The following HIF3A variants were observed in gnomAD, a reference collection of about 807,000 sequenced individuals.
HIF3A encodes hypoxia-inducible factor 3-alpha.
A neutral mutation model predicts 67.2 loss-of-function variants in HIF3A; 41 were observed. That is an observed-to-expected ratio of 0.61 (90% confidence interval 0.48 to 0.79). The LOEUF is 0.79. Among genes scored for constraint, HIF3A ranks in the 30% least tolerant of loss-of-function variants. The pLI is 0.00. For missense variants in HIF3A, 855 were observed against 898.0 expected (o/e 0.95, Z 0.61); for synonymous variants, 356 against 374.8 (o/e 0.95, Z 0.58).
At chr19:46,300,478 T>G (rs1486383717) in intron 1 of HIF3A, among the ~76,000 whole-genome samples, 1 of 152,086 alleles carries the variant, frequency 6.6e-6, no homozygotes, top group African/African-American at 2.4e-5. Flanking sequence ...CTGGCCAACA[T>G]AGTGAAACCC....
intron 6 of HIF3A, among the ~76,000 whole-genome samples, chr19:46,311,512 C>G (rs569890525): frequency 6.6e-6 from 1 of 152,278 alleles, no homozygotes; most frequent in East Asian, 1.9e-4. Flanking sequence ...AATCTGTTTC[C>G]CTGCCTTTTC....
chr19:46,304,767 G>A (rs1968682270), intron 2 of HIF3A, among the ~76,000 whole-genome samples: 1 of 152,066 alleles, frequency 6.6e-6, no homozygotes. Context: ...ACTTTTCTTG[G>A]AGGCTTTACC....
chr19:46,324,656 C>T (rs1213404023), intron 10 of HIF3A, among the ~76,000 whole-genome samples: 1 of 151,688 alleles, frequency 6.6e-6, no homozygotes, highest in Non-Finnish European at 1.5e-5. Context: ...GAGTTCAAGA[C>T]CAGCCTGACT....
intron 6 of HIF3A, among the ~76,000 whole-genome samples, chr19:46,310,249 T>G (rs1969313025): frequency 6.7e-6 from 1 of 149,252 alleles, no homozygotes; most frequent in African/African-American, 2.5e-5. Flanking sequence ...AGAAAAAATT[T>G]GTCAGGCGGG....
At chr19:46,305,517 T>A in intron 3 of HIF3A, 127 bp downstream of exon 3, 2 of 943,658 alleles carry the variant, frequency 2.1e-6, no homozygotes, top group Non-Finnish European at 3.2e-6. Flanking sequence ...GGTATGTCAC[T>A]AGACAGGAAG....
intron 11 of HIF3A, among the ~76,000 whole-genome samples, chr19:46,328,836 T>C (rs1970975475): frequency 6.6e-6 from 1 of 152,064 alleles, no homozygotes; most frequent in African/African-American, 2.4e-5. Context: ...TCCTCCCACC[T>C]CAGCCTCCTG....
chr19:46,307,212 T>G (rs1260279602), intron 3 of HIF3A, among the ~76,000 whole-genome samples: 1 of 152,190 alleles, frequency 6.6e-6, no homozygotes, highest in East Asian at 1.9e-4. Context: ...ACTTGTTATA[T>G]TGTTGTTATT....
chr19:46,316,746 T>C (rs1027940384), intron 8 of HIF3A, among the ~76,000 whole-genome samples: 4 of 147,112 alleles, frequency 2.7e-5, no homozygotes, highest in Non-Finnish European at 1.5e-5. Context: ...GAGGTTGCAA[T>C]GAGTGGAGAT....
chr19:46,329,721 G>C lies in HIF3A; in HGVS notation c.1712+243G>C, dbSNP rs571659627. 2.6e-5 allele frequency among the ~76,000 whole-genome samples: 4 copies of C among 152,238 alleles called. No homozygotes were observed. The East Asian group carries it at 7.7e-4, about 29-fold the overall frequency. On this transcript the variant is annotated intron_variant, in intron 12 of 14. Transcript: ENST00000377670. ...TTATCCAAATCCCACCTGTCAACCA[G>C]GGCTCTCTCCTTTGGAACATAGTTA...
At chr19:46,322,269 G>A (rs1970428471) in intron 10 of HIF3A, among the ~76,000 whole-genome samples, 1 of 152,070 alleles carries the variant, frequency 6.6e-6, no homozygotes, top group South Asian at 2.1e-4. Context: ...AATGTGGGCA[G>A]TTTTTCCCAC....
chr19:46,305,502 A>G, intron 3 of HIF3A, 112 bp downstream of exon 3: 2 of 1,043,692 alleles, frequency 1.9e-6, no homozygotes, highest in Admixed American at 4.3e-5. Flanking sequence ...TACAAAGGGG[A>G]TATAGGTATG....
intron 8 of HIF3A, among the ~76,000 whole-genome samples, chr19:46,317,168 G>A (rs764880108): frequency 5.9e-5 from 9 of 151,902 alleles, no homozygotes; most frequent in Admixed American, 2.0e-4. Flanking sequence ...CGACCCACCC[G>A]CCTCGGCTTC....
At chr19:46,299,776 C>T (rs983344806) in intron 1 of HIF3A, among the ~76,000 whole-genome samples, 1 of 151,254 alleles carries the variant, frequency 6.6e-6, no homozygotes, top group Non-Finnish European at 1.5e-5. Context: ...CTTTCCACCA[C>T]CCCAGATCAA....
chr19:46,328,910 T>TG (rs1970982005), intron 11 of HIF3A, among the ~76,000 whole-genome samples: 1 of 151,992 alleles, frequency 6.6e-6, no homozygotes, highest in Admixed American at 6.6e-5. Flanking sequence ...TTTGTGTAGG[T>TG]GGGGGTCTCA....
Position 46,320,551 on chromosome 19 carries a change from G to C in HIF3A, c.1134G>C (p.Gly378=). Residue 378 remains glycine, a synonymous_variant, in exon 9 of 15, where the codon GGG becomes GGC. Transcript: ENST00000377670. ...APSQKDTPNP[G]DSLDTPGPRI... ...CTCAGAAGGACACCCCTAACCCTGGGGACAGCCTTGGTATGGGGCAGGGCT... is the reference window on the plus strand; with the variant it reads ...CTCAGAAGGACACCCCTAACCCTGGCGACAGCCTTGGTATGGGGCAGGGCT... 1 of 1,613,440 alleles carries C rather than the reference G, an allele frequency of 6.2e-7. No homozygotes were observed. The highest frequency in any genetic ancestry group is 8.5e-7 in the Non-Finnish European group (1 of 1,179,454).
In HIF3A at chr19:46,309,224, C is replaced by T. The variant is rs1220368676; in HGVS notation, c.635C>T (p.Ser212Leu). Residue 212 changes from serine to leucine, a missense_variant, in exon 6 of 15, where the codon TCA becomes TTA. Physicochemically the swap from Ser to Leu is moderately radical, Grantham distance 145. This residue lies in a region of HIF3A where 638 missense variants were observed against 660.5 expected (regional missense o/e 0.97). Transcript: ENST00000377670. ...ACTTCTCCAGCTGGGAGCCCTGACTCAGAGCCCCCGCTGCAGTGCCTGGTG... is the reference window on the plus strand; with the variant it reads ...ACTTCTCCAGCTGGGAGCCCTGACTTAGAGCCCCCGCTGCAGTGCCTGGTG... ...AQTSPAGSPD[S>L]EPPLQCLVLI... 4 of 1,614,132 alleles carry T rather than the reference C, an allele frequency of 2.5e-6. No homozygotes were observed. The highest frequency in any genetic ancestry group is 2.2e-5 in the East Asian group (1 of 44,864).
intron 14 of HIF3A, 125 bp from the exon 15 acceptor site, chr19:46,339,400 C>T (rs1971846753): frequency 3.1e-6 from 2 of 641,348 alleles, no homozygotes; most frequent in Admixed American, 3.6e-5. Context: ...ACTAAAAATC[C>T]TTTGTTCGAG....
chr19:46,301,018 C>T (rs1162615706), intron 1 of HIF3A, among the ~76,000 whole-genome samples: 2 of 152,092 alleles, frequency 1.3e-5, no homozygotes, highest in Admixed American at 1.3e-4. Context: ...GGCCCTCTCG[C>T]CCCCACCCTC....
intron 14 of HIF3A, among the ~76,000 whole-genome samples, chr19:46,338,045 G>T (rs750975387): frequency 2.0e-5 from 3 of 152,182 alleles, no homozygotes; most frequent in Admixed American, 1.3e-4. Flanking sequence ...ACTGTGCCTA[G>T]CTTTGTGCTA....
Sources: gnomAD v4.1 joint callset for allele counts (sites outside exome capture counted in the v4.1 genomes callset) on GRCh38, gnomAD v4.1.1 for gene constraint, gnomAD v4.1.1 regional missense constraint, MANE v1.5 for transcripts, NCBI Gene and HGNC (gene_info 2026-07-23, HGNC 2026-07-21) for gene names.